The following SLC39A10 variants were observed in gnomAD, a reference collection of about 807,000 sequenced individuals.
SLC39A10 encodes zinc transporter ZIP10.
SLC39A10 carries 13 observed loss-of-function variants against 65.1 expected under a neutral mutation model. That is an observed-to-expected ratio of 0.20 (90% CI 0.13 to 0.32). The LOEUF is 0.32. SLC39A10 is among the 10% of genes least tolerant of loss of function. The probability of loss-of-function intolerance (pLI) is 1.00; values close to 1 mark genes in which losing one functional copy is unlikely to be tolerated. For synonymous variants in SLC39A10, 321 were observed against 342.2 expected (o/e 0.94, Z 0.68); for missense variants, 831 against 1,018.4 (o/e 0.82, Z 2.50).
upstream of SLC39A10, among the ~76,000 whole-genome samples, chr2:195,653,734 C>A (rs1274903193): frequency 6.6e-6 from 1 of 152,202 alleles, no homozygotes. Flanking sequence ...AGTTGGGAGG[C>A]TTAAAATTTT....
At chr2:195,668,854 G>A (rs556428251) in intron 1 of SLC39A10, among the ~76,000 whole-genome samples, 6 of 152,072 alleles carry the variant, frequency 3.9e-5, no homozygotes, top group Non-Finnish European at 8.8e-5. Context: ...AGGCTGAGGC[G>A]GGTAGATTAC....
At chr2:195,690,688 A>G (rs1349680487) in intron 3 of SLC39A10, among the ~76,000 whole-genome samples, 1 of 152,116 alleles carries the variant, frequency 6.6e-6, no homozygotes, top group African/African-American at 2.4e-5. Context: ...AATGCCTATT[A>G]CAGTTCTTTG....
At chr2:195,699,573 T>C (rs1294488589) in intron 3 of SLC39A10, among the ~76,000 whole-genome samples, 1 of 152,128 alleles carries the variant, frequency 6.6e-6, no homozygotes, top group Non-Finnish European at 1.5e-5. Flanking sequence ...TTAATTTCTA[T>C]GAATTTGTAA....
intron 2 of SLC39A10, among the ~76,000 whole-genome samples, chr2:195,643,610 T>G (rs536684478): frequency 1.4e-3 from 208 of 152,344 alleles, no homozygotes; most frequent in African/African-American, 4.5e-3. Flanking sequence ...TACTGATGGC[T>G]TGAAAGAAGT....
intron 3 of SLC39A10, 42 bp downstream of exon 3, chr2:195,683,948 G>A (rs964664641): frequency 2.2e-6 from 3 of 1,338,650 alleles, no homozygotes; most frequent in Non-Finnish European, 1.0e-6. Context: ...AATAGTACCT[G>A]TACTTACTTT....
chr2:195,653,975 G>C (rs1019447651), upstream of SLC39A10, among the ~76,000 whole-genome samples: 21 of 152,108 alleles, frequency 1.4e-4, no homozygotes, highest in African/African-American at 5.1e-4. Flanking sequence ...TTTTGCTCTT[G>C]TTGCCCAGGC....
At chr2:195,618,905 C>T (rs1444421690) in intron 2 of SLC39A10, among the ~76,000 whole-genome samples, 1 of 151,980 alleles carries the variant, frequency 6.6e-6, no homozygotes, top group Non-Finnish European at 1.5e-5. Flanking sequence ...CCAGCCTGGT[C>T]AACATGGTGA....
chr2:195,686,819 T>C (rs1199772892), intron 3 of SLC39A10, among the ~76,000 whole-genome samples: 2 of 152,354 alleles, frequency 1.3e-5, no homozygotes, highest in South Asian at 2.1e-4. Flanking sequence ...GTAATTCTTA[T>C]ACTTCCTGTT....
At chr2:195,656,186 A>G (rs1035135632), upstream of SLC39A10, among the ~76,000 whole-genome samples, 2 of 152,208 alleles carry the variant, frequency 1.3e-5, no homozygotes, top group Non-Finnish European at 2.9e-5. Flanking sequence ...GGTTGGATAT[A>G]GAAACACAGG....
At chr2:195,636,630 G>A (rs1306802137) in intron 2 of SLC39A10, among the ~76,000 whole-genome samples, 1 of 152,146 alleles carries the variant, frequency 6.6e-6, no homozygotes, top group Non-Finnish European at 1.5e-5. Flanking sequence ...GCGGGTGCCT[G>A]TAGTCCCAGC....
chr2:195,696,281 T>G (rs1034809124), intron 3 of SLC39A10, among the ~76,000 whole-genome samples: 14 of 150,658 alleles, frequency 9.3e-5, no homozygotes, highest in African/African-American at 2.9e-4. Flanking sequence ...CCTTGCAGTT[T>G]CACATGAATT....
In SLC39A10 at chr2:195,706,661, C is replaced by T; in HGVS notation, c.1262C>T (p.Ser421Phe). Residue 421 changes from serine to phenylalanine, a missense_variant, in exon 4 of 10, where the codon TCC becomes TTC. Ser to Phe is a radical substitution (Grantham distance 155). Coordinates refer to ENST00000359634, the MANE Select transcript of SLC39A10 (RefSeq NM_020342.3). ...TCTATCACTGTCATTAGCCTGCTTT[C>T]CTTGCTAGGCGTGATCTTGGTTCCT... The part of the protein sequence containing the change: ...IISITVISLL[S>F]LLGVILVPII... The T allele has an allele frequency of 6.2e-7, 1 of 1,611,908 alleles. No homozygotes were observed. The highest frequency in any genetic ancestry group is 2.2e-5 in the East Asian group (1 of 44,604).
intron 3 of SLC39A10, among the ~76,000 whole-genome samples, chr2:195,687,148 C>G (rs953526972): frequency 3.2e-4 from 48 of 151,792 alleles, no homozygotes; most frequent in African/African-American, 1.2e-3. Context: ...GAATAAGCGC[C>G]CTGAGAGGCC....
At chr2:195,689,191 C>CT (rs1391587724) in intron 3 of SLC39A10, among the ~76,000 whole-genome samples, 1 of 152,160 alleles carries the variant, frequency 6.6e-6, no homozygotes, top group African/African-American at 2.4e-5. Context: ...AAGAGCATCC[C>CT]TTGAGGCCAG....
In SLC39A10 at chr2:195,622,725, C is replaced by T. The variant is rs1688376078; in HGVS notation, c.-12+16492C>T. Among the ~76,000 whole-genome samples the T allele has an allele frequency of 2.0e-5, 3 of 152,330 alleles. No homozygotes were observed. In the South Asian group the frequency reaches 6.2e-4, roughly 32 times the overall value. On this transcript the variant is annotated intron_variant, in intron 2 of 2. Transcript: ENST00000458054. ...CGGTGGCTCACGCCTATAATCCCAG[C>T]ACTTTGGGAGGCCAAAGCGGGTGGA...
intron 1 of SLC39A10, among the ~76,000 whole-genome samples, chr2:195,663,071 CTGTT>C (rs1487444557): frequency 1.3e-5 from 2 of 152,200 alleles, no homozygotes. Flanking sequence ...AACTGTCACA[CTGTT>C]TGTAGCTACT....
At chr2:195,616,300 T>TTGAC (rs1453554374) in intron 2 of SLC39A10, among the ~76,000 whole-genome samples, 2 of 150,814 alleles carry the variant, frequency 1.3e-5, no homozygotes, top group South Asian at 2.1e-4. Context: ...TCAATTTGGA[T>TTGAC]TGATTGATTG....
chr2:195,646,325 G>T (rs1559013873), intron 2 of SLC39A10, among the ~76,000 whole-genome samples: 2 of 152,176 alleles, frequency 1.3e-5, no homozygotes, highest in Non-Finnish European at 2.9e-5. Flanking sequence ...AACTTCTGCA[G>T]TTCAACAATT....
intron 3 of SLC39A10, among the ~76,000 whole-genome samples, chr2:195,689,226 A>G (rs1559035183): frequency 6.6e-6 from 1 of 152,190 alleles, no homozygotes; most frequent in South Asian, 2.1e-4. Context: ...CCTGGGCAAC[A>G]TAAGGAGACC....
Sources: allele counts gnomAD v4.1 joint callset (sites outside exome capture counted in the v4.1 genomes callset), GRCh38; gene constraint gnomAD v4.1.1; transcripts MANE v1.5; gene names NCBI Gene and HGNC (gene_info 2026-07-23, HGNC 2026-07-21).